The following KRT84 variants were observed in gnomAD, a reference collection of about 807,000 sequenced individuals.
KRT84 encodes the protein keratin, type II cuticular Hb4.
KRT84 carries 38 observed loss-of-function variants against 49.0 expected under a neutral mutation model. That is an observed-to-expected ratio of 0.78 (90% CI 0.60 to 1.02). The LOEUF is 1.02. Ranked by LOEUF, KRT84 falls within the 50% of genes least tolerant of loss-of-function variation. The probability of loss-of-function intolerance (pLI) is 0.00; values close to 1 mark genes in which losing one functional copy is unlikely to be tolerated. For synonymous variants in KRT84, 334 were observed against 312.8 expected (o/e 1.07, Z -0.72); for missense variants, 860 against 788.6 (o/e 1.09, Z -1.08).
Position 52,383,025 on chromosome 12 carries a change from C to A in KRT84, c.796G>T (p.Glu266Ter). Residue 266 changes from glutamate (E) to a stop codon, truncating the protein, a stop_gained, in exon 3 of 9, where the codon GAG becomes TAG. Transcript: ENST00000257951. LOFTEE classifies it high-confidence loss of function. Reference sequence around the variant, plus strand: ...CTTACCTTCTTCAGAGCCACAAACTCATTCTCAGCATTGGCCCGACATACC... The same window carrying A: ...CTTACCTTCTTCAGAGCCACAAACTAATTCTCAGCATTGGCCCGACATACC... ...EVVCRANAENEFVALKKDVDA... is the reference protein window; with the variant it reads ...EVVCRANAEN The A allele has an allele frequency of 6.2e-7, 1 of 1,613,968 alleles. No homozygotes were observed. The highest frequency in any genetic ancestry group is 1.1e-5 in the South Asian group (1 of 91,064).
At position 52,385,086 on chromosome 12, in the gene KRT84, T is replaced by A; in HGVS notation, c.500A>T (p.Glu167Val). 1 of 1,605,324 alleles carries A rather than the reference T, an allele frequency of 6.2e-7. No homozygotes were observed. The change falls in exon 1 of 9, where the codon GAG becomes GTG. Residue 167 changes from glutamate (E) to valine (V), a missense_variant. Transcript: ENST00000257951. ...NAQRVKKDEK[E>V]QIKTLNNKFA... is the part of the protein sequence containing the mutation. Reference sequence around the variant, plus strand: ...CTTGTTGTTGAGGGTCTTGATTTGCTCCTTCTCATCCTTCTTCACCCTCTG... The same window carrying A: ...CTTGTTGTTGAGGGTCTTGATTTGCACCTTCTCATCCTTCTTCACCCTCTG...
Position 52,381,357 on chromosome 12 carries a change from C to T in KRT84, c.1077+4G>A, listed in dbSNP as rs1298001142. ...ACATCCCTTCCCCAGCCTCCACTGC[C>T]CACCTTGGTCTGGTACCAGGCCTCA... On this transcript the variant is annotated splice_donor_region_variant and intron_variant, in intron 5 of 8. Coordinates refer to ENST00000257951, the MANE Select transcript of KRT84 (RefSeq NM_033045.4). 6.2e-7 allele frequency: 1 copy of T among 1,614,036 alleles called. No individual in the cohort carries two copies. The highest frequency in any genetic ancestry group is 1.3e-5 in the African/African-American group (1 of 74,926).
chr12:52,379,759 T>C (rs1939447195), intron 8 of KRT84, 117 bp downstream of exon 8: 2 of 808,928 alleles, frequency 2.5e-6, no homozygotes, highest in African/African-American at 3.5e-5. Flanking sequence ...CCAGCTCCCC[T>C]GACTGTCGTG....
At chr12:52,379,851 G>C in intron 8 of KRT84, 25 bp downstream of exon 8, 1 of 1,593,110 alleles carries the variant, frequency 6.3e-7, no homozygotes, top group Non-Finnish European at 8.6e-7. Flanking sequence ...AGAAATGTGT[G>C]AAGAGGAAAA....
rs765348284 is a variant in KRT84, at chr12:52,383,042, C to T, written c.779G>A (p.Arg260Gln). The change falls in exon 3 of 9, where the codon CGG becomes CAG. Residue 260 changes from arginine to glutamine, a missense_variant. Transcript: ENST00000257951. The stretch of plus-strand genomic sequence containing the variant: ...CACAAACTCATTCTCAGCATTGGCC[C>T]GACATACCACTTCCTCTTCATACCT... The part of the protein sequence containing the change: ...KKKYEEEVVC[R>Q]ANAENEFVAL... 17 of 1,613,872 alleles carry T rather than the reference C, an allele frequency of 1.1e-5. No homozygotes were observed. The highest frequency in any genetic ancestry group is 3.3e-5 in the Admixed American group (2 of 60,018).
chr12:52,378,073 G>C lies in KRT84; in HGVS notation c.1764C>G (p.Arg588=). ...SCSGGRSSSV[R]FVSTTTSCRT... ...GGCAGGAGGTGGTGGTGGACACAAA[G>C]CGGACGCTGGAGCTGCGGCCGCCGC... is the stretch of plus-strand genomic sequence containing the variant. Residue 588 remains arginine, a synonymous_variant, in exon 9 of 9, where the codon CGC becomes CGG. Coordinates refer to ENST00000257951, the MANE Select transcript of KRT84 (RefSeq NM_033045.4). The C allele has an allele frequency of 6.7e-7, 1 of 1,496,436 alleles. No individual in the cohort carries two copies. Among genetic ancestry groups the C allele is most frequent in the Non-Finnish European group, 8.9e-7 (1 of 1,126,926 alleles). The allele number at this position is 1,496,436 out of a possible 1,614,324, so 92.7% of individuals were successfully genotyped here. A position where few individuals can be genotyped will look rare whatever the true frequency, so the allele number is the denominator to read the frequency against.
At chr12:52,380,046 C>T (rs369971938) in intron 7 of KRT84, 139 bp from the exon 8 acceptor site, 12 of 739,340 alleles carry the variant, frequency 1.6e-5, no homozygotes, top group Middle Eastern at 2.4e-4. Flanking sequence ...ATCTGGGGAG[C>T]GTTGAAAAAC....
upstream of KRT84, among the ~76,000 whole-genome samples, chr12:52,386,960 T>C (rs183700246): frequency 1.1e-3 from 168 of 152,230 alleles, 1 homozygote; most frequent in Non-Finnish European, 2.0e-3. Flanking sequence ...ATTTGTGCGG[T>C]ATTTTCTTTT....
At chr12:52,386,218 A>G (rs1215754986), upstream of KRT84, among the ~76,000 whole-genome samples, 1 of 152,194 alleles carries the variant, frequency 6.6e-6, no homozygotes, top group Non-Finnish European at 1.5e-5. Flanking sequence ...AATCTACAGT[A>G]AAGCTCATTT....
chr12:52,378,085 G>T lies in KRT84; in HGVS notation c.1752C>A (p.Ser584Arg). 2 of 1,499,798 alleles carry T rather than the reference G, an allele frequency of 1.3e-6. No individual in the cohort carries two copies. The highest frequency in any genetic ancestry group is 2.4e-5 in the Admixed American group (1 of 42,122). The allele number at this position is 1,499,798 out of a possible 1,614,324, so 92.9% of individuals were successfully genotyped here. A position where few individuals can be genotyped will look rare whatever the true frequency, so the allele number is the denominator to read the frequency against. The change falls in exon 9 of 9, where the codon AGC becomes AGA. Residue 584 changes from serine (S) to arginine (R), a missense_variant. Ser to Arg is a moderately radical substitution (Grantham distance 110). Transcript: ENST00000257951. ...GGFSSCSGGR[S>R]SSVRFVSTTT... The stretch of plus-strand genomic sequence containing the variant: ...TGGTGGACACAAAGCGGACGCTGGA[G>T]CTGCGGCCGCCGCTGCAGCTGCTGA...
Position 52,378,205 on chromosome 12 carries a change from C to T in KRT84, c.1632G>A (p.Gly544=), listed in dbSNP as rs776465117. ...TCCTTGTGCCAGTGCTCAGCAGGTCCCCAGTGGCCGGGGCGACCCGGGCTC... is the reference window on the plus strand; with the variant it reads ...TCCTTGTGCCAGTGCTCAGCAGGTCTCCAGTGGCCGGGGCGACCCGGGCTC... ...LGGARVAPAT[G]DLLSTGTRSG... Residue 544 remains glycine (G), a synonymous_variant, in exon 9 of 9, where the codon GGG becomes GGA. Transcript: ENST00000257951. 1 of 1,575,516 alleles carries T rather than the reference C, an allele frequency of 6.3e-7. No homozygotes were observed. Among genetic ancestry groups the T allele is most frequent in the Non-Finnish European group, 8.6e-7 (1 of 1,161,752 alleles).
chr12:52,378,675 C>A (rs1338379288), intron 8 of KRT84, among the ~76,000 whole-genome samples: 2 of 152,224 alleles, frequency 1.3e-5, no homozygotes, highest in Non-Finnish European at 2.9e-5. Flanking sequence ...CGGCTAAAGT[C>A]AAGTTGGGTT....
chr12:52,385,921 C>T (rs1441554120), upstream of KRT84, among the ~76,000 whole-genome samples: 1 of 152,118 alleles, frequency 6.6e-6, no homozygotes, highest in East Asian at 1.9e-4. Context: ...ACCACAATTG[C>T]CATTAAGGGG....
In KRT84 at chr12:52,385,040, C is replaced by A; in HGVS notation, c.546G>T (p.Lys182Asn). 1 of 1,605,454 alleles carries A rather than the reference C, an allele frequency of 6.2e-7. No individual in the cohort carries two copies. The highest frequency in any genetic ancestry group is 8.5e-7 in the Non-Finnish European group (1 of 1,175,950). The change falls in exon 1 of 9, where the codon AAG becomes AAT. Residue 182 changes from lysine to asparagine, a missense_variant and splice_region_variant. By Grantham distance (94) the Lys-to-Asn change is moderately conservative. Coordinates refer to ENST00000257951, the MANE Select transcript of KRT84 (RefSeq NM_033045.4). ...LNNKFASFID[K>N]VRFLEQQNKL... ...CCAGAGATTCAGCTATCATAGGTACCTTGTCAATGAAGGAGGCAAACTTGT... is the reference window on the plus strand; with the variant it reads ...CCAGAGATTCAGCTATCATAGGTACATTGTCAATGAAGGAGGCAAACTTGT...
At chr12:52,384,705 T>G (rs531969750) in intron 1 of KRT84, among the ~76,000 whole-genome samples, 93 of 152,324 alleles carry the variant, frequency 6.1e-4, no homozygotes, top group African/African-American at 2.1e-3. Context: ...AAAGTCCCAG[T>G]GTTTCCAGCC....
At chr12:52,382,363 C>A (rs1469191646) in intron 4 of KRT84, 74 bp downstream of exon 4, 3 of 986,010 alleles carry the variant, frequency 3.0e-6, no homozygotes, top group Non-Finnish European at 4.9e-6. Context: ...AATATGCTAG[C>A]CCAGGCTAAG....
In KRT84 at chr12:52,378,260, A is replaced by T. The variant is rs373473260; in HGVS notation, c.1577T>A (p.Val526Asp). Residue 526 changes from valine (V) to aspartate (D), a missense_variant, in exon 9 of 9, where the codon GTC becomes GAC. Coordinates refer to ENST00000257951, the MANE Select transcript of KRT84 (RefSeq NM_033045.4). ...CAGGCTGGGGCCACAGGAAGCCAGG[A>T]CCCCACTGGTGGCACAGACGCTGCT... Reference protein sequence around the residue: ...GSSSVCATSGVLASCGPSLGG... With the variant: ...GSSSVCATSGDLASCGPSLGG... The T allele has an allele frequency of 5.1e-6, 8 of 1,556,268 alleles. No homozygotes were observed. The African/African-American group carries it at 9.5e-5, about 18-fold the overall frequency.
At position 52,378,019 on chromosome 12, in the gene KRT84, T is replaced by G; in HGVS notation, c.*15A>C. The G allele has an allele frequency of 6.9e-7, 1 of 1,441,114 alleles. No individual in the cohort carries two copies. The highest frequency in any genetic ancestry group is 1.5e-5 in the African/African-American group (1 of 68,152). The allele number at this position is 1,441,114 out of a possible 1,614,324, so 89.3% of individuals were successfully genotyped here. ...CTGGTTCTTCTCTGGGCAGCAGCTG[T>G]CTGGGGCTGGGCTCTCAGTACTTGG... On this transcript the variant is annotated 3_prime_UTR_variant, in exon 9 of 9. Coordinates refer to ENST00000257951, the MANE Select transcript of KRT84 (RefSeq NM_033045.4).
chr12:52,386,046 A>G (rs1008448419), upstream of KRT84, among the ~76,000 whole-genome samples: 30 of 152,268 alleles, frequency 2.0e-4, no homozygotes, highest in Admixed American at 2.0e-3. Flanking sequence ...GGATGCATCC[A>G]TGAAGATATA....
Sources: allele counts gnomAD v4.1 joint callset (sites outside exome capture counted in the v4.1 genomes callset), GRCh38; gene constraint gnomAD v4.1.1; transcripts MANE v1.5; gene names NCBI Gene and HGNC (gene_info 2026-07-23, HGNC 2026-07-21).